The following DOCK9 variants were observed in gnomAD, a reference collection of about 807,000 sequenced individuals.
DOCK9 encodes the protein dedicator of cytokinesis 9.
Under a neutral mutation model 263.3 loss-of-function variants are expected in DOCK9, and 89 were observed. The ratio of observed to expected loss-of-function variants is 0.34; its 90% CI spans 0.28 to 0.40. The LOEUF (loss-of-function observed/expected upper bound fraction) is 0.40. DOCK9 is among the 10% of genes least tolerant of loss of function. The pLI, the probability that DOCK9 is intolerant of heterozygous loss-of-function variation, is 1.00. For missense variants in DOCK9, 2,140 were observed against 2,603.4 expected (o/e 0.82, Z 3.87); for synonymous variants, 976 against 973.1 (o/e 1.00, Z -0.06).
chr13:98,880,720 G>C (rs1371196181), intron 25 of DOCK9, 48 bp from the exon 26 acceptor site: 1 of 1,596,790 alleles, frequency 6.3e-7, no homozygotes. Context: ...TCTCCAATGT[G>C]GGCTGAAAGC....
chr13:98,867,934 G>A lies in DOCK9; in HGVS notation c.3168C>T (p.Asp1056=). The change falls in exon 29 of 53, where the codon GAC becomes GAT. Residue 1056 remains aspartate, a synonymous_variant. Coordinates refer to ENST00000682017, the MANE Select transcript of DOCK9 (RefSeq NM_001366683.2). ...NNYISCFAPG[D]PKTLFEYKFE... is the part of the protein sequence containing the mutation. ...GTAACAACCCCCGCACTACCTTTGG[G>A]TCTCCAGGAGCAAAACAGCTAATGT... is the stretch of plus-strand genomic sequence containing the variant. 6.2e-7 allele frequency: 1 copy of A among 1,613,434 alleles called. No homozygotes were observed. The highest frequency in any genetic ancestry group is 1.1e-5 in the South Asian group (1 of 90,866).
chr13:99,038,554 C>T (rs1347907234), intron 1 of DOCK9, among the ~76,000 whole-genome samples: 1 of 152,088 alleles, frequency 6.6e-6, no homozygotes. Flanking sequence ...GATCCACCCA[C>T]CTCAGCCTCC....
At chr13:99,042,262 G>A (rs193297798) in intron 1 of DOCK9, among the ~76,000 whole-genome samples, 2 of 152,322 alleles carry the variant, frequency 1.3e-5, no homozygotes, top group East Asian at 1.9e-4. Context: ...TAACTGCCTT[G>A]AGATCAGGCA....
Position 98,797,145 on chromosome 13 carries a change from C to A in DOCK9, c.6126G>T (p.Ala2042=). 1 of 1,614,002 alleles carries A rather than the reference C, an allele frequency of 6.2e-7. No homozygotes were observed. The change falls in exon 52 of 53, where the codon GCG becomes GCT. Residue 2042 remains alanine, a synonymous_variant. Transcript: ENST00000682017. ...EEMKANYREM[A]KELSEIMHEQ... is the part of the protein sequence containing the mutation. The stretch of plus-strand genomic sequence containing the variant: ...CATGCATGATTTCAGAAAGCTCCTT[C>A]GCCATTTCCCTGTAGTTGGCTTTCA...
intron 30 of DOCK9, among the ~76,000 whole-genome samples, chr13:98,864,620 G>T (rs1422104684): frequency 6.6e-6 from 1 of 152,196 alleles, no homozygotes; most frequent in Non-Finnish European, 1.5e-5. Context: ...GAGTTCACAT[G>T]TCTCTTGGAA....
intron 1 of DOCK9, among the ~76,000 whole-genome samples, chr13:98,970,825 G>C (rs1489038820): frequency 1.3e-5 from 2 of 152,004 alleles, no homozygotes; most frequent in African/African-American, 2.4e-5. Flanking sequence ...CTATCTGTAG[G>C]CTGGAGCTAG....
intron 1 of DOCK9, among the ~76,000 whole-genome samples, chr13:98,994,082 T>TA (rs1307488998): frequency 2.6e-5 from 4 of 152,236 alleles, no homozygotes; most frequent in East Asian, 3.9e-4. Flanking sequence ...TATATTAAAA[T>TA]AAAAAAACTT....
intron 1 of DOCK9, among the ~76,000 whole-genome samples, chr13:99,033,237 A>G (rs1484286865): frequency 6.6e-6 from 1 of 152,258 alleles, no homozygotes; most frequent in Non-Finnish European, 1.5e-5. Context: ...AAGGCAAAAA[A>G]CAAATATTCC....
At chr13:98,991,443 C>A (rs1879785498) in intron 1 of DOCK9, among the ~76,000 whole-genome samples, 1 of 152,122 alleles carries the variant, frequency 6.6e-6, no homozygotes, top group Non-Finnish European at 1.5e-5. Context: ...TAGCCACTAG[C>A]CACACGGGGC....
intron 1 of DOCK9, among the ~76,000 whole-genome samples, chr13:98,974,499 C>T (rs953451744): frequency 1.6e-4 from 24 of 152,092 alleles, no homozygotes; most frequent in Non-Finnish European, 1.5e-4. Context: ...CCTGTAATCC[C>T]AGCACTTTGG....
chr13:98,831,714 G>A lies in DOCK9; in HGVS notation c.4387C>T (p.Gln1463Ter), dbSNP rs1375619407. The part of the protein sequence containing the change: ...KVFDVYLCFL[Q>*]KHQSETALKN... ...AAAGCCGTTTCAGACTGATGTTTTTGAAGAAAACACAGGTAGACATCAAAA... is the reference window on the plus strand; with the variant it reads ...AAAGCCGTTTCAGACTGATGTTTTTAAAGAAAACACAGGTAGACATCAAAA... Residue 1463 changes from glutamine (Q) to a stop codon, truncating the protein, a stop_gained, in exon 40 of 53, where the codon CAA becomes TAA. Coordinates refer to ENST00000682017, the MANE Select transcript of DOCK9 (RefSeq NM_001366683.2). LOFTEE classifies it high-confidence loss of function. 1 of 1,613,962 alleles carries A rather than the reference G, an allele frequency of 6.2e-7. No individual in the cohort carries two copies. The highest frequency in any genetic ancestry group is 8.5e-7 in the Non-Finnish European group (1 of 1,179,850).
intron 1 of DOCK9, among the ~76,000 whole-genome samples, chr13:99,036,838 A>C (rs886965051): frequency 3.7e-4 from 56 of 152,148 alleles, no homozygotes; most frequent in African/African-American, 1.4e-3. Context: ...GTGCCCGGCC[A>C]ATGGGATTTT....
chr13:98,914,411 A>C lies in DOCK9; in HGVS notation c.893-16T>G. On this transcript the variant is annotated splice_polypyrimidine_tract_variant and intron_variant, in intron 8 of 52. Transcript: ENST00000682017. ...TGTTCATCATCTAAAATGGCAAAACAGATTATCGGAATCACTTGTAATTCA... is the reference window on the plus strand; with the variant it reads ...TGTTCATCATCTAAAATGGCAAAACCGATTATCGGAATCACTTGTAATTCA... The C allele has an allele frequency of 6.3e-7, 1 of 1,600,000 alleles. No homozygotes were observed. The highest frequency in any genetic ancestry group is 8.5e-7 in the Non-Finnish European group (1 of 1,172,780).
At chr13:99,009,733 T>G (rs1884132133) in intron 1 of DOCK9, among the ~76,000 whole-genome samples, 2 of 151,746 alleles carry the variant, frequency 1.3e-5, no homozygotes, top group South Asian at 4.2e-4. Context: ...AGAAAGCGTA[T>G]CATCTTCAAC....
At chr13:98,988,867 C>A (rs1879070426) in intron 1 of DOCK9, among the ~76,000 whole-genome samples, 1 of 152,182 alleles carries the variant, frequency 6.6e-6, no homozygotes. Flanking sequence ...CACATTAATT[C>A]CCCCGTGAAA....
chr13:98,989,885 G>A (rs1468530699), intron 1 of DOCK9, among the ~76,000 whole-genome samples: 1 of 152,172 alleles, frequency 6.6e-6, no homozygotes, highest in Non-Finnish European at 1.5e-5. Context: ...CCATGCTCAA[G>A]TAAAATGCCT....
chr13:99,053,757 G>A (rs531070968), intron 1 of DOCK9, among the ~76,000 whole-genome samples: 3 of 152,132 alleles, frequency 2.0e-5, no homozygotes, highest in South Asian at 2.1e-4. Context: ...GGTCCCCAGC[G>A]ATAGCACAAC....
rs2052105021 is a variant in DOCK9 at position 98,922,047 on chromosome 13, T to C, written c.582+4A>G. On this transcript the variant is annotated splice_donor_region_variant and intron_variant, in intron 6 of 52. Coordinates refer to ENST00000682017, the MANE Select transcript of DOCK9 (RefSeq NM_001366683.2). ...GGGGAGGGCAAAGTGATGTGCGTCC[T>C]CACCCTCATGGTCACGCTGATGGCA... 1.3e-6 allele frequency: 2 copies of C among 1,586,480 alleles called. No individual in the cohort carries two copies. Among genetic ancestry groups the C allele is most frequent in the Non-Finnish European group, 8.6e-7 (1 of 1,165,454 alleles).
At chr13:99,087,703 C>T (rs2042380259), upstream of DOCK9, 1 of 152,394 alleles carries the variant, frequency 6.6e-6, no homozygotes, top group South Asian at 2.1e-4. Flanking sequence ...GGATTTGCGC[C>T]AGGCCCGCGG....
Sources: allele counts gnomAD v4.1 joint callset (sites outside exome capture counted in the v4.1 genomes callset), GRCh38; gene constraint gnomAD v4.1.1; transcripts MANE v1.5; gene names NCBI Gene and HGNC (gene_info 2026-07-23, HGNC 2026-07-21).